Variants in FAT1 observed in about 807,000 individuals in gnomAD.
FAT1 encodes the protein protocadherin Fat 1.
Under a neutral mutation model 329.8 loss-of-function variants are expected in FAT1, and 171 were observed. That is an observed-to-expected ratio of 0.52 (90% CI 0.46 to 0.59). FAT1 has a LOEUF of 0.59. Ranked by LOEUF, FAT1 falls within the 20% of genes least tolerant of loss-of-function variation. The pLI is 0.00. For synonymous variants in FAT1, 2,233 were observed against 2,228.6 expected (o/e 1.00, Z -0.06); for missense variants, 5,672 against 5,774.4 (o/e 0.98, Z 0.57).
Position 186,645,986 on chromosome 4 carries a change from C to CAT in FAT1, c.3581-6204_3581-6203insAT, listed in dbSNP as rs1375260872. 9.5e-5 allele frequency among the ~76,000 whole-genome samples: 14 copies of CAT among 147,772 alleles called. No homozygotes were observed. The East Asian group carries it at 1.2e-3, about 13-fold the overall frequency. Reference sequence around the variant, plus strand: ...AAATATATACACACACACACACACACACACACACACACACACACATGAAAG... The same window carrying CAT: ...AAATATATACACACACACACACACACATACACACACACACACACACATGAAAG... On this transcript the variant is annotated intron_variant, in intron 3 of 26. Transcript: ENST00000441802.
chr4:186,648,347 ACTT>A (rs1165782943), intron 3 of FAT1, among the ~76,000 whole-genome samples: 2 of 152,204 alleles, frequency 1.3e-5, no homozygotes, highest in East Asian at 1.9e-4. Flanking sequence ...TGAAAACTAA[ACTT>A]AGGCTGGAAA....
intron 2 of FAT1, among the ~76,000 whole-genome samples, chr4:186,675,972 G>C (rs1403490398): frequency 6.6e-6 from 1 of 152,058 alleles, no homozygotes; most frequent in Non-Finnish European, 1.5e-5. Flanking sequence ...CACATGCCAG[G>C]TATGCTACAA....
At chr4:186,718,878 G>A (rs191356540) in intron 1 of FAT1, among the ~76,000 whole-genome samples, 21 of 151,704 alleles carry the variant, frequency 1.4e-4, no homozygotes, top group Admixed American at 3.3e-4. Flanking sequence ...AGCCGTTCCC[G>A]CATCACAAGC....
chr4:186,651,083 T>C lies in FAT1; in HGVS notation c.3581-11300A>G, dbSNP rs539199181. On this transcript the variant is annotated intron_variant, in intron 3 of 26. Coordinates refer to ENST00000441802, the MANE Select transcript of FAT1 (RefSeq NM_005245.4). ...TTATTTATTATTAATAATTGATAAA[T>C]TATTTGATGCTTCATTATTATTCAT... Among the ~76,000 whole-genome samples the C allele has an allele frequency of 7.1e-3, 556 of 77,852 alleles. 3 individuals are homozygous for C. Among genetic ancestry groups the C allele is most frequent in the African/African-American group, 0.026 (536 of 20,318 alleles). 51.1% of individuals were successfully genotyped at this position (77,852 alleles called of 152,430 possible).
Position 186,707,116 on chromosome 4 carries a change from C to T in FAT1, c.2712G>A (p.Glu904=), listed in dbSNP as rs1744663062. Residue 904 remains glutamate (E), a synonymous_variant, in exon 2 of 27, where the codon GAG becomes GAA. Coordinates refer to ENST00000441802, the MANE Select transcript of FAT1 (RefSeq NM_005245.4). The part of the protein sequence containing the change: ...KIEARDQARE[E]PQLFSTVVVK... ...CAACGACAGTGGAGAACAGCTGAGG[C>T]TCTTCTCTGGCTTGGTCCCTGGCCT... 1 of 1,613,996 alleles carries T rather than the reference C, an allele frequency of 6.2e-7. No homozygotes were observed. Among genetic ancestry groups the T allele is most frequent in the South Asian group, 1.1e-5 (1 of 91,078 alleles).
chr4:186,661,722 A>G (rs750370645), intron 3 of FAT1, among the ~76,000 whole-genome samples: 2 of 152,192 alleles, frequency 1.3e-5, no homozygotes, highest in African/African-American at 2.4e-5. Flanking sequence ...AGCCGCTCCA[A>G]TAAAGTAACA....
chr4:186,659,381 C>G (rs1579402589), intron 3 of FAT1, among the ~76,000 whole-genome samples: 1 of 152,204 alleles, frequency 6.6e-6, no homozygotes, highest in Non-Finnish European at 1.5e-5. Context: ...TCTCTAGCTG[C>G]TGGACGTTTA....
At chr4:186,678,984 T>A (rs537045062) in intron 2 of FAT1, among the ~76,000 whole-genome samples, 2 of 152,264 alleles carry the variant, frequency 1.3e-5, no homozygotes, top group African/African-American at 4.8e-5. Context: ...GAAAATGTGG[T>A]ACACATACTC....
chr4:186,636,168 G>A lies in FAT1; in HGVS notation c.4040C>T (p.Ser1347Phe). 1 of 1,613,986 alleles carries A rather than the reference G, an allele frequency of 6.2e-7. No homozygotes were observed. Among genetic ancestry groups the A allele is most frequent in the Non-Finnish European group, 8.5e-7 (1 of 1,179,882 alleles). Reference sequence around the variant, plus strand: ...GGGCTCCAGGGACGGTTTGGGCTTGGAGATCCATTCAATATGGAGTCTGGT... The same window carrying A: ...GGGCTCCAGGGACGGTTTGGGCTTGAAGATCCATTCAATATGGAGTCTGGT... ...STTRLHIEWI[S>F]KPKPSLEPIS... The change falls in exon 6 of 27, where the codon TCC (serine) becomes TTC (phenylalanine). Residue 1347 changes from serine (S) to phenylalanine (F), a missense_variant. Physicochemically the swap from Ser to Phe is radical, Grantham distance 155. This residue lies in a region of FAT1 where 3,966 missense variants were observed against 3,915.2 expected (regional missense o/e 1.01). Coordinates refer to ENST00000441802, the MANE Select transcript of FAT1 (RefSeq NM_005245.4).
chr4:186,707,195 T>A lies in FAT1; in HGVS notation c.2633A>T (p.Asn878Ile), dbSNP rs2126686432. 6.2e-7 allele frequency: 1 copy of A among 1,613,978 alleles called. No homozygotes were observed. Among genetic ancestry groups the A allele is most frequent in the South Asian group, 1.1e-5 (1 of 91,082 alleles). Residue 878 changes from asparagine to isoleucine, a missense_variant, in exon 2 of 27, where the codon AAC becomes ATC. Physicochemically the swap from Asn to Ile is moderately radical, Grantham distance 149. Coordinates refer to ENST00000441802, the MANE Select transcript of FAT1 (RefSeq NM_005245.4). The part of the protein sequence containing the change: ...FSIDSVTGVV[N>I]IARPLDRELQ... The stretch of plus-strand genomic sequence containing the variant: ...CTCTCGATCCAGAGGGCGTGCGATG[T>A]TAACAACACCCGTCACGCTGTCAAT...
rs1293534393 is a variant in FAT1 at position 186,600,233 on chromosome 4, G to A, written c.11768C>T (p.Ala3923Val). Reference protein sequence around the residue: ...AVALEVNGNYARLVLDQVHTA... With the variant: ...AVALEVNGNYVRLVLDQVHTA... ...ATGAACTTGGTCTAGAACCAAGCGAGCATAGTTTCCATTCACTTCCAGGGC... is the reference window on the plus strand; with the variant it reads ...ATGAACTTGGTCTAGAACCAAGCGAACATAGTTTCCATTCACTTCCAGGGC... The change falls in exon 22 of 27, where the codon GCT (alanine) becomes GTT (valine). Residue 3923 changes from alanine (A) to valine (V), a missense_variant. Physicochemically the swap from Ala to Val is moderately conservative, Grantham distance 64 (BLOSUM62 0). This residue lies in a region of FAT1 where 1,706 missense variants were observed against 1,859.1 expected (regional missense o/e 0.92). Coordinates refer to ENST00000441802, the MANE Select transcript of FAT1 (RefSeq NM_005245.4). 1.9e-6 allele frequency: 3 copies of A among 1,613,900 alleles called. No homozygotes were observed. Among genetic ancestry groups the A allele is most frequent in the Admixed American group, 1.7e-5 (1 of 60,002 alleles).
intron 11 of FAT1, among the ~76,000 whole-genome samples, chr4:186,616,725 G>A (rs1739732363): frequency 6.6e-6 from 1 of 152,172 alleles, no homozygotes; most frequent in African/African-American, 2.4e-5. Context: ...CATATTAAGA[G>A]AATCCCCTCA....
upstream of FAT1, among the ~76,000 whole-genome samples, chr4:186,725,420 CAA>C (rs1033190213): frequency 1.3e-5 from 2 of 151,836 alleles, no homozygotes; most frequent in Non-Finnish European, 2.9e-5. This position sits in a 1 kb window ranked among gnomAD's most constrained non-coding sequence, Gnocchi z 5.4. Flanking sequence ...TTAAATGGCA[CAA>C]GAGAATTCCT....
upstream of FAT1, chr4:186,726,269 G>T (rs1745716719): frequency 6.6e-6 from 1 of 152,238 alleles, no homozygotes; most frequent in Non-Finnish European, 1.5e-5. Context: ...CCCCGCACTC[G>T]CTTAGAGCCA....
rs994622234 is a variant in FAT1, at chr4:186,708,099, T to C, written c.1729A>G (p.Thr577Ala). The C allele has an allele frequency of 3.1e-6, 5 of 1,613,850 alleles. No individual in the cohort carries two copies. In the African/African-American group the frequency reaches 6.7e-5, roughly 22 times the overall value. Residue 577 changes from threonine (T) to alanine (A), a missense_variant, in exon 2 of 27, where the codon ACA (threonine) becomes GCA (alanine). Thr to Ala is a moderately conservative substitution (Grantham distance 58). This residue lies in a region of FAT1 where 3,966 missense variants were observed against 3,915.2 expected (regional missense o/e 1.01). Coordinates refer to ENST00000441802, the MANE Select transcript of FAT1 (RefSeq NM_005245.4). Reference protein sequence around the residue: ...PLFEKINCEGTIPRDLGVGEQ... With the variant: ...PLFEKINCEGAIPRDLGVGEQ... ...CCCACGCCTAGATCTCTGGGAATTG[T>C]CCCTTCACAATTTATTTTCTCAAAC...
At chr4:186,673,677 G>A (rs1476972866) in intron 2 of FAT1, among the ~76,000 whole-genome samples, 1 of 152,150 alleles carries the variant, frequency 6.6e-6, no homozygotes, top group Non-Finnish European at 1.5e-5. Context: ...AATTAGCTGA[G>A]GAAGCTTTCT....
intron 9 of FAT1, among the ~76,000 whole-genome samples, chr4:186,624,019 A>G (rs1740174205): frequency 6.6e-6 from 1 of 152,158 alleles, no homozygotes; most frequent in Non-Finnish European, 1.5e-5. Flanking sequence ...GCAGGTGGGA[A>G]AGCAGCATCG....
At chr4:186,633,388 CAT>C (rs943729378) in intron 7 of FAT1, among the ~76,000 whole-genome samples, 2 of 152,092 alleles carry the variant, frequency 1.3e-5, no homozygotes, top group African/African-American at 2.4e-5. Flanking sequence ...TTGATGTTAA[CAT>C]AGTTTAAAAT....
At chr4:186,676,094 G>A (rs958616412) in intron 2 of FAT1, among the ~76,000 whole-genome samples, 1 of 152,090 alleles carries the variant, frequency 6.6e-6, no homozygotes, top group Non-Finnish European at 1.5e-5. Context: ...AAGGGCACCT[G>A]TTTGAGAAGG....
Sources: allele counts gnomAD v4.1 joint callset (sites outside exome capture counted in the v4.1 genomes callset), GRCh38; gene constraint gnomAD v4.1.1; regional missense constraint gnomAD v4.1.1; non-coding constraint Gnocchi (gnomAD v3.1); transcripts MANE v1.5; gene names NCBI Gene and HGNC (gene_info 2026-07-23, HGNC 2026-07-21).